PARN: variants seen among roughly 807,000 people sequenced by gnomAD.
PARN encodes the protein poly(A)-specific ribonuclease PARN.
In PARN, 71 loss-of-function variants were observed where a neutral mutation model predicts 102.8. That is an observed-to-expected ratio of 0.69 (90% CI 0.57 to 0.84). The LOEUF (loss-of-function observed/expected upper bound fraction) is 0.84, where lower values mean the gene tolerates loss of function less well. Ranked by LOEUF, PARN falls within the 40% of genes least tolerant of loss-of-function variation. The pLI is 0.00. For synonymous variants in PARN, 261 were observed against 252.9 expected (o/e 1.03, Z -0.30); for missense variants, 782 against 760.9 (o/e 1.03, Z -0.33).
intron 23 of PARN, among the ~76,000 whole-genome samples, chr16:14,444,307 C>CTT (rs34275529): frequency 2.0e-4 from 30 of 148,842 alleles, no homozygotes; most frequent in East Asian, 3.9e-4. Flanking sequence ...GTCTCTTTCT[C>CTT]TTTTTTTTTT....
Position 14,580,935 on chromosome 16 carries a change from G to A in PARN, c.1201C>T (p.Leu401Phe). The stretch of plus-strand genomic sequence containing the variant: ...GACACATGAATTTTTGGAGGGCTGA[G>A]AAAAGAACCTAATGAAGAAAAGAAG... ...ISMANYLGSF[L>F]SPPKIHVSAR... Residue 401 changes from leucine (L) to phenylalanine (F), a missense_variant, in exon 18 of 24, where the codon CTC becomes TTC. Physicochemically the swap from Leu to Phe is conservative, Grantham distance 22. Transcript: ENST00000437198. The A allele has an allele frequency of 6.2e-7, 1 of 1,603,862 alleles. No individual in the cohort carries two copies. Among genetic ancestry groups the A allele is most frequent in the Non-Finnish European group, 8.5e-7 (1 of 1,170,966 alleles).
intron 5 of PARN, among the ~76,000 whole-genome samples, chr16:14,624,731 C>A (rs529898132): frequency 6.6e-6 from 1 of 151,994 alleles, no homozygotes; most frequent in Non-Finnish European, 1.5e-5. Context: ...CCAGCCCGAC[C>A]GACATGGAGA....
chr16:14,477,156 T>C lies in PARN; in HGVS notation c.1670+5482A>G, dbSNP rs1596476855. Reference sequence around the variant, plus strand: ...GATGCAAACGCTAAGTATAAGAAAATAGGCAAGGTGTGGTGGCTCATACCT... The same window carrying C: ...GATGCAAACGCTAAGTATAAGAAAACAGGCAAGGTGTGGTGGCTCATACCT... On this transcript the variant is annotated intron_variant, in intron 22 of 23. Coordinates refer to ENST00000437198, the MANE Select transcript of PARN (RefSeq NM_002582.4). Among the ~76,000 whole-genome samples the C allele has an allele frequency of 2.0e-5, 3 of 151,800 alleles. No individual in the cohort carries two copies. The East Asian group carries it at 5.8e-4, about 29-fold the overall frequency.
chr16:14,514,896 G>A (rs1965383773), intron 21 of PARN, among the ~76,000 whole-genome samples: 2 of 152,176 alleles, frequency 1.3e-5, no homozygotes, highest in Non-Finnish European at 1.5e-5. Context: ...CATAAATAAG[G>A]CTGCACGGGG....
chr16:14,607,459 C>T (rs761000850), intron 9 of PARN, among the ~76,000 whole-genome samples: 2 of 151,912 alleles, frequency 1.3e-5, no homozygotes, highest in Non-Finnish European at 2.9e-5. Flanking sequence ...CTGCCCACCT[C>T]GGCCTCCCAA....
intron 22 of PARN, among the ~76,000 whole-genome samples, chr16:14,476,506 G>T (rs1355969225): frequency 6.6e-6 from 1 of 152,126 alleles, no homozygotes; most frequent in African/African-American, 2.4e-5. Context: ...CTTTGCCATG[G>T]TAACTCAAAA....
intron 21 of PARN, among the ~76,000 whole-genome samples, chr16:14,533,486 AGGGAG>A (rs1966472860): frequency 7.5e-6 from 1 of 133,332 alleles, no homozygotes; most frequent in Non-Finnish European, 1.7e-5. Flanking sequence ...GGAGAGGGAG[AGGGAG>A]AGGTTCCAAA....
chr16:14,529,600 C>T (rs1017447465), intron 21 of PARN, among the ~76,000 whole-genome samples: 5 of 152,152 alleles, frequency 3.3e-5, no homozygotes, highest in Non-Finnish European at 2.9e-5. Context: ...TCACATCCAT[C>T]CCCCTGGCTG....
At chr16:14,551,774 C>A (rs750720620) in intron 21 of PARN, among the ~76,000 whole-genome samples, 4 of 152,044 alleles carry the variant, frequency 2.6e-5, no homozygotes, top group Non-Finnish European at 4.4e-5. Flanking sequence ...GAGAAAGGAA[C>A]AGAATGGAGG....
rs145797278 is a variant in PARN, at chr16:14,463,838, TGG to T, written c.1671-16759_1671-16758del. Reference sequence around the variant, plus strand: ...TGAAAAAAGTCCAAACTTTTTTTTTTGGGGGGGGGGGGACGACAAGGTCTCAC... The same window carrying T: ...TGAAAAAAGTCCAAACTTTTTTTTTTGGGGGGGGGGACGACAAGGTCTCAC... On this transcript the variant is annotated intron_variant, in intron 22 of 23. Transcript: ENST00000437198. 1.2e-4 allele frequency among the ~76,000 whole-genome samples: 11 copies of T among 95,082 alleles called. No individual in the cohort carries two copies. The East Asian group carries it at 1.2e-3, about 10-fold the overall frequency. The allele number at this position is 95,082 out of a possible 152,430, so 62.4% of individuals were successfully genotyped here.
At chr16:14,462,597 GAA>G (rs1962055733) in intron 22 of PARN, among the ~76,000 whole-genome samples, 1 of 151,024 alleles carries the variant, frequency 6.6e-6, no homozygotes, top group South Asian at 2.1e-4. Context: ...CACTGGGAGA[GAA>G]AAAAGAATAT....
chr16:14,506,896 C>T (rs1964922461), intron 21 of PARN, among the ~76,000 whole-genome samples: 1 of 151,964 alleles, frequency 6.6e-6, no homozygotes. Context: ...ACTCCAAAAA[C>T]AAACAAAAAA....
chr16:14,451,841 T>C (rs1290235993), intron 22 of PARN, among the ~76,000 whole-genome samples: 2 of 64,828 alleles, frequency 3.1e-5, no homozygotes, highest in Non-Finnish European at 5.5e-5. Context: ...AAACCCCGTC[T>C]CTAAAAAAAA....
intron 13 of PARN, among the ~76,000 whole-genome samples, chr16:14,588,781 C>T (rs1251028663): frequency 6.6e-6 from 1 of 152,078 alleles, no homozygotes; most frequent in African/African-American, 2.4e-5. Flanking sequence ...ACTTGAGAGA[C>T]TGAGACATGA....
At chr16:14,512,080 C>T (rs1218443100) in intron 21 of PARN, among the ~76,000 whole-genome samples, 1 of 152,126 alleles carries the variant, frequency 6.6e-6, no homozygotes, top group Non-Finnish European at 1.5e-5. Context: ...TTCTGGAAGA[C>T]ATAAGTTAAA....
chr16:14,587,237 G>A (rs1969914320), intron 13 of PARN, among the ~76,000 whole-genome samples: 1 of 152,110 alleles, frequency 6.6e-6, no homozygotes, highest in Non-Finnish European at 1.5e-5. Flanking sequence ...ATGAACAGGC[G>A]ATTTCAATGC....
chr16:14,589,875 AG>A (rs992712676), intron 13 of PARN, among the ~76,000 whole-genome samples: 2 of 151,422 alleles, frequency 1.3e-5, no homozygotes, highest in African/African-American at 4.9e-5. Context: ...TCAAAAAAAA[AG>A]GTGCGAAAGT....
chr16:14,626,119 A>AC (rs1043036367), intron 5 of PARN, among the ~76,000 whole-genome samples: 1 of 151,746 alleles, frequency 6.6e-6, no homozygotes, highest in Admixed American at 6.6e-5. Context: ...TTTTTTTTCT[A>AC]CCCCCCTTTC....
intron 9 of PARN, 25 bp from the exon 10 acceptor site, chr16:14,606,551 C>T (rs771014747): frequency 2.2e-6 from 3 of 1,385,680 alleles, no homozygotes; most frequent in South Asian, 1.3e-5. Flanking sequence ...AACATAGTAT[C>T]AGTAGATGAG....
Sources: allele counts gnomAD v4.1 joint callset (sites outside exome capture counted in the v4.1 genomes callset), GRCh38; gene constraint gnomAD v4.1.1; transcripts MANE v1.5; gene names NCBI Gene and HGNC (gene_info 2026-07-23, HGNC 2026-07-21).